Variants in SV2B observed in about 807,000 individuals in gnomAD.
SV2B encodes the protein solute carrier family 22 member B2.
In SV2B, 41 loss-of-function variants were observed where a neutral mutation model predicts 73.9. That is an observed-to-expected ratio of 0.56 (90% CI 0.43 to 0.72). The LOEUF (loss-of-function observed/expected upper bound fraction) is 0.72, where lower values mean the gene tolerates loss of function less well. Ranked by LOEUF, SV2B falls within the 30% of genes least tolerant of loss-of-function variation. The pLI is 0.00. For synonymous variants in SV2B, 314 were observed against 314.2 expected, an observed-to-expected ratio of 1.00 and a Z score of 0.01; for missense variants, 764 against 857.8, an observed-to-expected ratio of 0.89 and a Z score of 1.37.
In SV2B at chr15:91,258,345, C is replaced by A. The variant is rs2047776001; in HGVS notation, c.785-76C>A. The A allele has an allele frequency of 3.2e-6, 5 of 1,569,854 alleles. No homozygotes were observed. Among genetic ancestry groups the A allele is most frequent in the Non-Finnish European group, 4.3e-6 (5 of 1,157,512 alleles). On this transcript the variant is annotated intron_variant, in intron 4 of 12. Coordinates refer to ENST00000394232, the MANE Select transcript of SV2B (RefSeq NM_001323032.3). The surrounding 1 kb of genome is among the most constrained non-coding windows in gnomAD (Gnocchi z 4.7). ...CTCTTGTGCCCTGAAGTTTGTGAGC[C>A]AGGGCTTCAGAGTCACTCTTCCGTA...
chr15:91,135,710 G>A (rs139288853), intron 1 of SV2B, among the ~76,000 whole-genome samples: 1 of 152,316 alleles, frequency 6.6e-6, no homozygotes, highest in Non-Finnish European at 1.5e-5. Flanking sequence ...CCGTTACTGT[G>A]TTTCTGAAAC....
rs1432952120 is a variant in SV2B, at chr15:91,293,523, T to C, written c.*971T>C. On this transcript the variant is annotated 3_prime_UTR_variant, in exon 13 of 13. Coordinates refer to ENST00000394232, the MANE Select transcript of SV2B (RefSeq NM_001323032.3). ...ACTTCTCTCCCTTACACAGATGACT[T>C]GTGAAACTCAAGCTCACCATCTTCA... 6.6e-6 allele frequency: 1 copy of C among 152,220 alleles called. No individual in the cohort carries two copies. The allele number at this position is 152,220 out of a possible 1,614,324, so 9.4% of individuals were successfully genotyped here.
chr15:91,247,802 C>G (rs948006991), intron 2 of SV2B, among the ~76,000 whole-genome samples: 4 of 152,140 alleles, frequency 2.6e-5, no homozygotes, highest in African/African-American at 7.2e-5. Context: ...CAGAGAGTGG[C>G]TGGCAAAACT....
chr15:91,153,406 A>T (rs1276709986), intron 1 of SV2B, among the ~76,000 whole-genome samples: 1 of 152,178 alleles, frequency 6.6e-6, no homozygotes, highest in African/African-American at 2.4e-5. Flanking sequence ...CCACAGGCTC[A>T]GGATGGAATC....
In SV2B at chr15:91,281,053, TTACA is replaced by T. The variant is rs2048667123; in HGVS notation, c.1374-672_1374-669del. Among the ~76,000 whole-genome samples the T allele has an allele frequency of 6.6e-6, 1 of 152,258 alleles. No homozygotes were observed. Among genetic ancestry groups the T allele is most frequent in the Admixed American group, 6.5e-5 (1 of 15,290 alleles). On this transcript the variant is annotated intron_variant, in intron 9 of 12. Transcript: ENST00000394232. The surrounding 1 kb of genome is among the most constrained non-coding windows in gnomAD (Gnocchi z 4.7). ...ATGGTATTCCATTATATGGCATCTA[TTACA>T]TATGTATGTATGTAGTAATCCATTG... is the stretch of plus-strand genomic sequence containing the variant.
intron 1 of SV2B, among the ~76,000 whole-genome samples, chr15:91,135,777 T>C (rs2042803719): frequency 6.6e-6 from 1 of 152,244 alleles, no homozygotes; most frequent in African/African-American, 2.4e-5. Context: ...GTTTGGGGTA[T>C]GTGCCTAGTG....
At chr15:91,237,699 C>T (rs1207925241) in intron 2 of SV2B, among the ~76,000 whole-genome samples, 1 of 152,106 alleles carries the variant, frequency 6.6e-6, no homozygotes, top group East Asian at 1.9e-4. Flanking sequence ...GACTGTGTAT[C>T]AGTAGGAGCT....
At position 91,130,358 on chromosome 15, in the gene SV2B, GT is replaced by G. The variant is rs1280781503; in HGVS notation, c.-392+29997del. On this transcript the variant is annotated intron_variant, in intron 1 of 12. Transcript: ENST00000394232. This position sits in a 1 kb window ranked among gnomAD's most constrained non-coding sequence, Gnocchi z 5.6. The stretch of plus-strand genomic sequence containing the variant: ...ACTCAGGGACAAGGTCAGGGTTGGA[GT>G]TACGTGCTTGGCTAGGGCTGAAGCA... Among the ~76,000 whole-genome samples the G allele has an allele frequency of 6.6e-6, 1 of 152,214 alleles. No homozygotes were observed. Among genetic ancestry groups the G allele is most frequent in the East Asian group, 1.9e-4 (1 of 5,202 alleles).
At chr15:91,274,747 A>G in intron 9 of SV2B, among the ~76,000 whole-genome samples, 1 of 152,206 alleles carries the variant, frequency 6.6e-6, no homozygotes, top group Non-Finnish European at 1.5e-5. Flanking sequence ...TACTTGTGCT[A>G]TGACCGGATG....
chr15:91,103,348 C>T (rs902096999), intron 1 of SV2B, among the ~76,000 whole-genome samples: 30 of 152,062 alleles, frequency 2.0e-4, no homozygotes, highest in Non-Finnish European at 2.2e-4. Flanking sequence ...TGTTTCCTTT[C>T]CCCCACACTA....
chr15:91,266,464 G>T, intron 6 of SV2B, 118 bp from the exon 7 acceptor site: 2 of 731,648 alleles, frequency 2.7e-6, no homozygotes, highest in East Asian at 2.7e-5. Flanking sequence ...TATGCTCTTT[G>T]AGAAATCGCA....
intron 1 of SV2B, among the ~76,000 whole-genome samples, chr15:91,166,470 A>G (rs1411523407): frequency 1.3e-5 from 2 of 152,056 alleles, no homozygotes; most frequent in Non-Finnish European, 2.9e-5. Flanking sequence ...CTTCTTGAAT[A>G]TGTAAATTTA....
chr15:91,134,693 T>G (rs1261579503), intron 1 of SV2B, among the ~76,000 whole-genome samples: 1 of 152,232 alleles, frequency 6.6e-6, no homozygotes, highest in African/African-American at 2.4e-5. Context: ...ATGGTCCTGT[T>G]GGAGTAACAT....
chr15:91,150,286 C>T (rs914538676), intron 1 of SV2B, among the ~76,000 whole-genome samples: 4 of 152,102 alleles, frequency 2.6e-5, no homozygotes, highest in Admixed American at 6.5e-5. Flanking sequence ...GGATTACAGA[C>T]GTGAGCCACC....
rs1033239628 is a variant in SV2B, at chr15:91,239,577, T to C, written c.452-12242T>C. On this transcript the variant is annotated intron_variant, in intron 2 of 12. Coordinates refer to ENST00000394232, the MANE Select transcript of SV2B (RefSeq NM_001323032.3). This position sits in a 1 kb window ranked among gnomAD's most constrained non-coding sequence, Gnocchi z 5.1. ...ACCAGAATCTGGGACTCCTGACTAT[T>C]GGCACAGAATTCTTCCCCCTGTGCC... 6.6e-6 allele frequency among the ~76,000 whole-genome samples: 1 copy of C among 152,116 alleles called. No individual in the cohort carries two copies. Among genetic ancestry groups the C allele is most frequent in the Non-Finnish European group, 1.5e-5 (1 of 68,020 alleles).
Position 91,136,817 on chromosome 15 carries a change from G to T in SV2B, c.-392+36454G>T, listed in dbSNP as rs1397063106. Among the ~76,000 whole-genome samples, 1 of 152,156 alleles carries T rather than the reference G, an allele frequency of 6.6e-6. No homozygotes were observed. The highest frequency in any genetic ancestry group is 1.9e-4 in the East Asian group (1 of 5,184). On this transcript the variant is annotated intron_variant, in intron 1 of 12. Transcript: ENST00000394232. This position sits in a 1 kb window ranked among gnomAD's most constrained non-coding sequence, Gnocchi z 5.6. ...GAAGGCTGGCACATGGGATCCAGAG[G>T]TGGGTGGCAGTGATGAAACAAGAGG... is the stretch of plus-strand genomic sequence containing the variant.
At position 91,105,213 on chromosome 15, in the gene SV2B, T is replaced by A. The variant is rs2041849739; in HGVS notation, c.-392+4850T>A. Among the ~76,000 whole-genome samples the A allele has an allele frequency of 6.6e-6, 1 of 152,208 alleles. No individual in the cohort carries two copies. The highest frequency in any genetic ancestry group is 1.5e-5 in the Non-Finnish European group (1 of 68,038). ...ATATGTAAGTAAATAATGTATGTTTTATATCAGGTGATTAAGGAATGTTGA... is the reference window on the plus strand; with the variant it reads ...ATATGTAAGTAAATAATGTATGTTTAATATCAGGTGATTAAGGAATGTTGA... On this transcript the variant is annotated intron_variant, in intron 1 of 12. Coordinates refer to ENST00000394232, the MANE Select transcript of SV2B (RefSeq NM_001323032.3). The surrounding 1 kb of genome is among the most constrained non-coding windows in gnomAD (Gnocchi z 5.5).
chr15:91,280,097 C>G lies in SV2B; in HGVS notation c.1374-1631C>G, dbSNP rs1482119592. ...TAGGAAATGACATCTTTAATAATAA[C>G]CTCAAGTTTATTCTGATGCAAGTGG... On this transcript the variant is annotated intron_variant, in intron 9 of 12. Transcript: ENST00000394232. The surrounding 1 kb of genome is among the most constrained non-coding windows in gnomAD (Gnocchi z 5.8). Among the ~76,000 whole-genome samples the G allele has an allele frequency of 1.2e-4, 18 of 152,184 alleles. No homozygotes were observed. Among genetic ancestry groups the G allele is most frequent in the African/African-American group, 4.3e-4 (18 of 41,442 alleles).
chr15:91,128,881 C>T lies in SV2B; in HGVS notation c.-392+28518C>T, dbSNP rs2042564148. The T allele has an allele frequency of 6.6e-6, 1 of 152,264 alleles. No individual in the cohort carries two copies. The highest frequency in any genetic ancestry group is 1.5e-5 in the Non-Finnish European group (1 of 68,058). 9.4% of individuals were successfully genotyped at this position (152,264 alleles called of 1,614,324 possible). ...ATCCTTTTTGTCCAATCATATTTCT[C>T]CATGGCTGTCTATACTTTGTTGAAC... is the stretch of plus-strand genomic sequence containing the variant. On this transcript the variant is annotated intron_variant, in intron 1 of 12. Transcript: ENST00000394232. This position sits in a 1 kb window ranked among gnomAD's most constrained non-coding sequence, Gnocchi z 4.2.
Sources: gnomAD v4.1 joint callset for allele counts (sites outside exome capture counted in the v4.1 genomes callset) on GRCh38, gnomAD v4.1.1 for gene constraint, Gnocchi (gnomAD v3.1) non-coding constraint, MANE v1.5 for transcripts, NCBI Gene and HGNC (gene_info 2026-07-23, HGNC 2026-07-21) for gene names.